Variants in DIAPH3 observed in about 807,000 individuals in gnomAD.
DIAPH3 encodes diaphanous related formin 3.
A neutral mutation model predicts 144.3 loss-of-function variants in DIAPH3; 117 were observed. The observed-to-expected ratio is 0.81, with a 90% confidence interval of 0.70 to 0.95. The LOEUF is 0.95. DIAPH3 is among the 40% of genes least tolerant of loss of function. The pLI is 0.00. For synonymous variants in DIAPH3, 519 were observed against 488.9 expected, an observed-to-expected ratio of 1.06 and a Z score of -0.81; for missense variants, 1,421 against 1,412.7, an observed-to-expected ratio of 1.01 and a Z score of -0.09.
At chr13:60,021,480 C>T (rs746834726) in intron 5 of DIAPH3, among the ~76,000 whole-genome samples, 10 of 151,772 alleles carry the variant, frequency 6.6e-5, no homozygotes, top group South Asian at 2.1e-4. Flanking sequence ...CAAAAATAGC[C>T]GGGTGTGGTG....
chr13:59,689,097 T>C lies in DIAPH3; in HGVS notation c.3320-22251A>G, dbSNP rs140829282. Among the ~76,000 whole-genome samples the C allele has an allele frequency of 1.3e-3, 194 of 152,250 alleles. 1 individual carries two copies. The East Asian group carries it at 0.03, about 24-fold the overall frequency. On this transcript the variant is annotated intron_variant, in intron 27 of 27. Coordinates refer to ENST00000400324, the MANE Select transcript of DIAPH3 (RefSeq NM_001042517.2). ...AGAGATAATTGTGAATCTCTTGTTA[T>C]AGAAAGTTAAAGATTGCAAGAATTT... is the stretch of plus-strand genomic sequence containing the variant.
intron 23 of DIAPH3, 82 bp from the exon 24 acceptor site, chr13:59,833,353 T>G: frequency 9.4e-7 from 1 of 1,060,610 alleles, no homozygotes; most frequent in Non-Finnish European, 1.4e-6. Flanking sequence ...AATGTTTTAG[T>G]CTAATAGCCA....
At chr13:60,124,629 A>C (rs1279598738) in intron 2 of DIAPH3, among the ~76,000 whole-genome samples, 1 of 152,144 alleles carries the variant, frequency 6.6e-6, no homozygotes, top group Non-Finnish European at 1.5e-5. Context: ...CGATGGCATC[A>C]AGGGAAAAGC....
At chr13:60,051,084 G>A (rs1005056153) in intron 4 of DIAPH3, among the ~76,000 whole-genome samples, 1 of 152,138 alleles carries the variant, frequency 6.6e-6, no homozygotes, top group Non-Finnish European at 1.5e-5. Context: ...CGTTTTAGTG[G>A]TGGATTAGGG....
intron 1 of DIAPH3, among the ~76,000 whole-genome samples, chr13:60,157,855 G>A (rs571129074): frequency 2.0e-5 from 3 of 152,286 alleles, no homozygotes; most frequent in South Asian, 4.1e-4. Flanking sequence ...TACCTGTGCT[G>A]CTTGGAGTCT....
rs568430367 is a variant in DIAPH3, at chr13:59,690,806, C to T, written c.3320-23960G>A. Among the ~76,000 whole-genome samples, 17 of 152,282 alleles carry T rather than the reference C, an allele frequency of 1.1e-4. No individual in the cohort carries two copies. In the South Asian group the frequency reaches 1.2e-3, roughly 11 times the overall value. ...GATTGCCTACTATGCATCTACCAGC[C>T]ATTGTGCTGAGGCCAGGGATGCAAG... On this transcript the variant is annotated intron_variant, in intron 27 of 27. Coordinates refer to ENST00000400324, the MANE Select transcript of DIAPH3 (RefSeq NM_001042517.2).
intron 19 of DIAPH3, among the ~76,000 whole-genome samples, chr13:59,914,901 C>T (rs73196171): frequency 0.069 from 10,477 of 152,168 alleles, 409 homozygotes; most frequent in Admixed American, 0.11. Context: ...CAAATAAGTT[C>T]TTGGTGAATG....
rs1250338459 is a variant in DIAPH3 at position 59,842,033 on chromosome 13, CCT to C, written c.2738-2587_2738-2586del. Among the ~76,000 whole-genome samples, 7 of 151,928 alleles carry C rather than the reference CCT, an allele frequency of 4.6e-5. No individual in the cohort carries two copies. In the South Asian group the frequency reaches 6.2e-4, roughly 14 times the overall value. On this transcript the variant is annotated intron_variant, in intron 22 of 27. Coordinates refer to ENST00000400324, the MANE Select transcript of DIAPH3 (RefSeq NM_001042517.2). ...AAATTACCATTTTGTTTTCATAACCCCTGTCAGTAACATTTAAATAAACAGAT... is the reference window on the plus strand; with the variant it reads ...AAATTACCATTTTGTTTTCATAACCCGTCAGTAACATTTAAATAAACAGAT...
chr13:60,076,974 T>C (rs964450177), intron 4 of DIAPH3, among the ~76,000 whole-genome samples: 7 of 152,090 alleles, frequency 4.6e-5, no homozygotes, highest in South Asian at 2.1e-4. Context: ...CTTTTTCACA[T>C]AAGTAGACAA....
intron 25 of DIAPH3, among the ~76,000 whole-genome samples, chr13:59,807,715 A>G (rs979738674): frequency 2.0e-5 from 3 of 152,074 alleles, no homozygotes; most frequent in Admixed American, 6.6e-5. Context: ...TTTGCAGACC[A>G]TGTTTAGGAA....
intron 27 of DIAPH3, among the ~76,000 whole-genome samples, chr13:59,754,533 T>C (rs1272057060): frequency 6.6e-6 from 1 of 152,190 alleles, no homozygotes; most frequent in African/African-American, 2.4e-5. Flanking sequence ...GTTCTGAGTT[T>C]GTATCCTGAC....
chr13:59,763,296 G>GTATATATACATGTGTATATATGTATGTA (rs34585091), intron 27 of DIAPH3, among the ~76,000 whole-genome samples: 1 of 150,938 alleles, frequency 6.6e-6, no homozygotes, highest in Non-Finnish European at 1.5e-5. Context: ...TCACATATAT[G>GTATATATACATGTGTATATATGTATGTA]TATATACATG....
At chr13:59,698,403 C>T (rs1348685826) in intron 27 of DIAPH3, among the ~76,000 whole-genome samples, 1 of 151,992 alleles carries the variant, frequency 6.6e-6, no homozygotes, top group Non-Finnish European at 1.5e-5. Flanking sequence ...TATTTTACTG[C>T]CTCAAACAAC....
intron 8 of DIAPH3, 23 bp from the exon 9 acceptor site, chr13:60,008,672 T>A: frequency 6.8e-7 from 1 of 1,474,608 alleles, no homozygotes; most frequent in Non-Finnish European, 9.5e-7. Context: ...TTGAGTCAAT[T>A]AAATTGCAAG....
intron 2 of DIAPH3, among the ~76,000 whole-genome samples, chr13:60,114,244 T>C (rs1452963171): frequency 7.0e-6 from 1 of 143,140 alleles, no homozygotes; most frequent in Non-Finnish European, 1.5e-5. Context: ...ATGAGATGAA[T>C]AATTTCAGCA....
intron 9 of DIAPH3, among the ~76,000 whole-genome samples, 170 bp downstream of exon 9, chr13:60,008,374 C>T (rs1231159323): frequency 2.0e-5 from 3 of 151,808 alleles, no homozygotes; most frequent in East Asian, 3.9e-4. Context: ...CCAGCCTGGG[C>T]GACAAAGCAA....
At chr13:59,882,497 C>T (rs781437786) in intron 20 of DIAPH3, among the ~76,000 whole-genome samples, 10 of 152,146 alleles carry the variant, frequency 6.6e-5, no homozygotes, top group Non-Finnish European at 1.5e-4. Flanking sequence ...ACCAATGTTT[C>T]CGCATCCTCA....
chr13:59,991,104 A>G (rs1409399761), intron 12 of DIAPH3, 54 bp downstream of exon 12: 15 of 1,148,128 alleles, frequency 1.3e-5, no homozygotes, highest in Non-Finnish European at 1.9e-5. Context: ...TGAATTTCAC[A>G]ATTAATAGAT....
At chr13:59,724,853 C>T (rs1330431398) in intron 27 of DIAPH3, among the ~76,000 whole-genome samples, 1 of 152,124 alleles carries the variant, frequency 6.6e-6, no homozygotes, top group Non-Finnish European at 1.5e-5. Context: ...CAAAATTTGG[C>T]TATATGAGTT....
Sources: gnomAD v4.1 joint callset for allele counts (sites outside exome capture counted in the v4.1 genomes callset) on GRCh38, gnomAD v4.1.1 for gene constraint, MANE v1.5 for transcripts, NCBI Gene and HGNC (gene_info 2026-07-23, HGNC 2026-07-21) for gene names.